Variants in QTMAN observed in about 807,000 individuals in gnomAD.
The protein encoded by QTMAN is queuosine-tRNA mannosyltransferase.
At chr2:144,171,430 A>C in the QTMAN span, among the ~76,000 whole-genome samples, 17 of 152,348 alleles carry the variant, frequency 1.1e-4, no homozygotes, top group Middle Eastern at 3.4e-3. Flanking sequence ...GACAGTATTA[A>C]AAGGCTTTCT....
chr2:144,152,486 T>C, the QTMAN span, among the ~76,000 whole-genome samples: 1 of 152,230 alleles, frequency 6.6e-6, no homozygotes, highest in Non-Finnish European at 1.5e-5. Context: ...TAAAAGACAC[T>C]TTGTAATTAT....
At chr2:144,190,007 C>T in the QTMAN span, among the ~76,000 whole-genome samples, 2 of 152,098 alleles carry the variant, frequency 1.3e-5, no homozygotes, top group East Asian at 1.9e-4. Flanking sequence ...GGATATACTT[C>T]ATAACATTAA....
the QTMAN span, among the ~76,000 whole-genome samples, chr2:144,288,231 G>C: frequency 6.6e-6 from 1 of 151,706 alleles, no homozygotes; most frequent in Non-Finnish European, 1.5e-5. Flanking sequence ...ATCAACTTCA[G>C]ATTAAAAAAT....
At chr2:143,996,390 T>C in the QTMAN span, among the ~76,000 whole-genome samples, 1 of 152,106 alleles carries the variant, frequency 6.6e-6, no homozygotes, top group Non-Finnish European at 1.5e-5. Flanking sequence ...CAATACAGGC[T>C]GGAAAATGTG....
At chr2:144,238,563 T>G in the QTMAN span, among the ~76,000 whole-genome samples, 1 of 152,180 alleles carries the variant, frequency 6.6e-6, no homozygotes, top group African/African-American at 2.4e-5. Flanking sequence ...CATAACACTT[T>G]CATTCCTATC....
the QTMAN span, among the ~76,000 whole-genome samples, chr2:144,259,592 CAAAT>C: frequency 6.6e-6 from 1 of 152,250 alleles, no homozygotes; most frequent in Non-Finnish European, 1.5e-5. Flanking sequence ...TATTCAGGAA[CAAAT>C]AATCCGCCAA....
the QTMAN span, among the ~76,000 whole-genome samples, chr2:144,197,946 G>T: frequency 6.6e-6 from 1 of 152,138 alleles, no homozygotes; most frequent in Non-Finnish European, 1.5e-5. Context: ...CCAGCAATGG[G>T]TCACACACAG....
the QTMAN span, among the ~76,000 whole-genome samples, chr2:144,277,486 T>C: frequency 6.6e-6 from 1 of 152,154 alleles, no homozygotes; most frequent in Non-Finnish European, 1.5e-5. Context: ...GCAAACCTGA[T>C]AGCCTGACAG....
chr2:144,259,536 C>T, the QTMAN span, among the ~76,000 whole-genome samples: 1 of 152,292 alleles, frequency 6.6e-6, no homozygotes, highest in Admixed American at 6.5e-5. Context: ...ACCAACCTAA[C>T]AGTAATGACT....
chr2:144,303,759 T>C, the QTMAN span, among the ~76,000 whole-genome samples: 2 of 152,096 alleles, frequency 1.3e-5, no homozygotes, highest in Non-Finnish European at 2.9e-5. Context: ...TTGATAAACA[T>C]ACAAAACAAT....
the QTMAN span, among the ~76,000 whole-genome samples, chr2:144,271,028 CTCT>C: frequency 3.3e-5 from 5 of 152,278 alleles, no homozygotes; most frequent in South Asian, 1.0e-3. Flanking sequence ...TTAATATTTT[CTCT>C]TCTTATGTCT....
At chr2:144,270,206 G>A in the QTMAN span, among the ~76,000 whole-genome samples, 1 of 152,144 alleles carries the variant, frequency 6.6e-6, no homozygotes, top group South Asian at 2.1e-4. Context: ...CACTGTTGGT[G>A]GGAGTGTAAA....
At chr2:144,206,111 A>G in the QTMAN span, among the ~76,000 whole-genome samples, 2 of 152,360 alleles carry the variant, frequency 1.3e-5, no homozygotes, top group Admixed American at 6.5e-5. Context: ...GAGTAAGCTT[A>G]TAATAGCAAC....
the QTMAN span, among the ~76,000 whole-genome samples, chr2:144,308,682 T>A: frequency 1.3e-5 from 2 of 151,972 alleles, no homozygotes; most frequent in Non-Finnish European, 2.9e-5. Flanking sequence ...TTCTTAGACA[T>A]TTGCCGGACG....
At chr2:144,011,626 C>T in the QTMAN span, 2 of 940,086 alleles carry the variant, frequency 2.1e-6, no homozygotes, top group Non-Finnish European at 2.5e-6. Context: ...TGGCAATAAA[C>T]TGTTCTATGC....
chr2:144,109,998 C>G, the QTMAN span, among the ~76,000 whole-genome samples: 1 of 152,170 alleles, frequency 6.6e-6, no homozygotes, highest in Non-Finnish European at 1.5e-5. Context: ...CCTCAAGGAT[C>G]TAGAACTAGA....
chr2:143,945,753 G>T, the QTMAN span: 3 of 152,168 alleles, frequency 2.0e-5, no homozygotes, highest in East Asian at 5.8e-4. Context: ...AAAAGCTAGG[G>T]AAAGTTACAA....
chr2:144,059,133 C>T, the QTMAN span, among the ~76,000 whole-genome samples: 1 of 152,202 alleles, frequency 6.6e-6, no homozygotes, highest in African/African-American at 2.4e-5. Context: ...GCCTCATCTC[C>T]ACTCATTCCA....
chr2:144,061,542 A>T, the QTMAN span, among the ~76,000 whole-genome samples: 1 of 152,124 alleles, frequency 6.6e-6, no homozygotes, highest in East Asian at 1.9e-4. Context: ...TGTAACAAAA[A>T]CTCTTCCTCC....
Sources: gnomAD v4.1 joint callset for allele counts (sites outside exome capture counted in the v4.1 genomes callset) on GRCh38, gnomAD v4.1.1 for gene constraint, MANE v1.5 for transcripts, NCBI Gene and HGNC (gene_info 2026-07-23, HGNC 2026-07-21) for gene names.